Variants in CFAP20DC observed in about 807,000 individuals in gnomAD.
The protein encoded by CFAP20DC is CFAP20 domain containing, also known as protein CFAP20DC.
In CFAP20DC, 84 loss-of-function variants were observed where a neutral mutation model predicts 101.7. The observed-to-expected ratio is 0.83, with a 90% CI of 0.69 to 0.99. The LOEUF (loss-of-function observed/expected upper bound fraction) is 0.99. Among genes scored for constraint, CFAP20DC ranks in the 50% least tolerant of loss-of-function variants. The pLI, the probability that CFAP20DC is intolerant of heterozygous loss-of-function variation, is 0.00. For missense variants in CFAP20DC, 1,007 were observed against 970.3 expected, an observed-to-expected ratio of 1.04 and a Z score of -0.50; for synonymous variants, 359 against 351.2, an observed-to-expected ratio of 1.02 and a Z score of -0.25.
chr3:58,956,041 AC>A (rs1309129129), intron 4 of CFAP20DC, among the ~76,000 whole-genome samples: 1 of 151,258 alleles, frequency 6.6e-6, no homozygotes, highest in African/African-American at 2.4e-5. Context: ...CAGCAGTGAT[AC>A]CAACATACTA....
At chr3:58,957,463 A>C (rs140563647) in intron 4 of CFAP20DC, among the ~76,000 whole-genome samples, 59 of 152,324 alleles carry the variant, frequency 3.9e-4, no homozygotes, top group African/African-American at 1.3e-3. Context: ...AAAAACTAAA[A>C]ATAGAGCTCT....
At chr3:58,870,808 A>C (rs1261761293) in intron 7 of CFAP20DC, among the ~76,000 whole-genome samples, 1 of 144,672 alleles carries the variant, frequency 6.9e-6, no homozygotes, top group African/African-American at 2.6e-5. Flanking sequence ...GAATGGCGTG[A>C]ACCCGGGAAG....
intron 14 of CFAP20DC, among the ~76,000 whole-genome samples, chr3:58,808,019 G>A (rs1394733470): frequency 3.3e-5 from 5 of 152,188 alleles, no homozygotes; most frequent in African/African-American, 1.2e-4. Flanking sequence ...AGAGAAAAAA[G>A]AATAAAAAGA....
At chr3:59,026,851 C>T (rs1346955159) in intron 4 of CFAP20DC, among the ~76,000 whole-genome samples, 4 of 152,160 alleles carry the variant, frequency 2.6e-5, no homozygotes, top group Non-Finnish European at 2.9e-5. Context: ...ATAAGAGTAA[C>T]TTTCATTAAA....
rs1427063728 is a variant in CFAP20DC at position 58,864,051 on chromosome 3, AACC to A, written c.1259-162_1259-160del. Among the ~76,000 whole-genome samples the A allele has an allele frequency of 1.3e-5, 2 of 152,090 alleles. No homozygotes were observed. The highest frequency in any genetic ancestry group is 2.9e-5 in the Non-Finnish European group (2 of 68,008). On this transcript the variant is annotated intron_variant, in intron 11 of 16. Transcript: ENST00000482387. The surrounding 1 kb of genome is among the most constrained non-coding windows in gnomAD (Gnocchi z 4.7). ...CGGCTCACTGCAACCTCCGCCTCCCAACCTTCAAGTGATTCTCCTGCCTGAGCC... is the reference window on the plus strand; with the variant it reads ...CGGCTCACTGCAACCTCCGCCTCCCATTCAAGTGATTCTCCTGCCTGAGCC...
chr3:58,995,692 C>A (rs555961794), intron 4 of CFAP20DC, among the ~76,000 whole-genome samples: 1 of 152,164 alleles, frequency 6.6e-6, no homozygotes, highest in South Asian at 2.1e-4. Context: ...AATTGCCTCT[C>A]AAATGTGGTT....
chr3:59,034,000 T>C (rs2094046531), intron 4 of CFAP20DC, among the ~76,000 whole-genome samples: 1 of 152,142 alleles, frequency 6.6e-6, no homozygotes, highest in Non-Finnish European at 1.5e-5. Flanking sequence ...ACAATGGATC[T>C]CTCTGCAGAA....
chr3:58,853,008 A>G (rs1210351065), intron 12 of CFAP20DC, among the ~76,000 whole-genome samples: 2 of 152,158 alleles, frequency 1.3e-5, no homozygotes, highest in Non-Finnish European at 2.9e-5. Context: ...AGGAAATAGA[A>G]ACACAAAAAA....
At chr3:58,834,895 C>T (rs977661135) in intron 13 of CFAP20DC, among the ~76,000 whole-genome samples, 5 of 151,800 alleles carry the variant, frequency 3.3e-5, no homozygotes, top group East Asian at 1.9e-4. Flanking sequence ...ATGTAGAGTA[C>T]AAAACATACA....
At chr3:58,960,762 A>G (rs914778528) in intron 4 of CFAP20DC, among the ~76,000 whole-genome samples, 4 of 152,186 alleles carry the variant, frequency 2.6e-5, no homozygotes, top group Non-Finnish European at 4.4e-5. Context: ...GATGACTTAT[A>G]ATATTTATTT....
intron 13 of CFAP20DC, among the ~76,000 whole-genome samples, chr3:58,846,479 G>A (rs1231459591): frequency 6.6e-6 from 1 of 151,984 alleles, no homozygotes; most frequent in Non-Finnish European, 1.5e-5. Context: ...ACCTCTTCAG[G>A]GAGAACTACA....
chr3:59,020,972 T>C (rs1458717937), intron 4 of CFAP20DC, among the ~76,000 whole-genome samples: 3 of 152,098 alleles, frequency 2.0e-5, no homozygotes, highest in Admixed American at 2.0e-4. Context: ...TACAGCTTTA[T>C]ATTTGTGACC....
rs758560928 is a variant in CFAP20DC, at chr3:58,849,183, G to C, written c.1820C>G (p.Pro607Arg). 162 of 1,535,944 alleles carry C rather than the reference G, an allele frequency of 1.1e-4. 2 individuals are homozygous for C. The South Asian group carries it at 1.1e-3, about 11-fold the overall frequency. Residue 607 changes from proline (P) to arginine (R), a missense_variant, in exon 13 of 17, where the codon CCA becomes CGA. Physicochemically the swap from Pro to Arg is moderately radical, Grantham distance 103 (BLOSUM62 -2). Coordinates refer to ENST00000482387, the MANE Select transcript of CFAP20DC (RefSeq NM_001394063.1). ...MSLLPTTCLSPTGRRCGSCQK... is the reference protein window; with the variant it reads ...MSLLPTTCLSRTGRRCGSCQK... Reference sequence around the variant, plus strand: ...ACAGGACCCACACCTTCTTCCAGTTGGAGAAAGGCATGTTGTAGGCAACAA... The same window carrying C: ...ACAGGACCCACACCTTCTTCCAGTTCGAGAAAGGCATGTTGTAGGCAACAA...
rs2080590769 is a variant in CFAP20DC at position 58,874,729 on chromosome 3, T to C, written c.716-4420A>G. 1.3e-5 allele frequency among the ~76,000 whole-genome samples: 2 copies of C among 152,192 alleles called. No individual in the cohort carries two copies. The highest frequency in any genetic ancestry group is 1.3e-4 in the Admixed American group (2 of 15,284). On this transcript the variant is annotated intron_variant, in intron 7 of 16. Coordinates refer to ENST00000482387, the MANE Select transcript of CFAP20DC (RefSeq NM_001394063.1). This position sits in a 1 kb window ranked among gnomAD's most constrained non-coding sequence, Gnocchi z 5.1. ...TAGGGTAAGTTCCTCCAATATAGGC[T>C]CTTCCATAAATTTTCCCTCATAGAA...
chr3:58,927,140 T>C (rs984187906), intron 5 of CFAP20DC, among the ~76,000 whole-genome samples: 4 of 152,220 alleles, frequency 2.6e-5, no homozygotes, highest in Admixed American at 1.3e-4. Flanking sequence ...ATAACTTAAA[T>C]ATTAAAGTGA....
At chr3:58,918,960 G>T (rs1395392684) in intron 5 of CFAP20DC, among the ~76,000 whole-genome samples, 1 of 152,176 alleles carries the variant, frequency 6.6e-6, no homozygotes, top group East Asian at 1.9e-4. Context: ...AATCTTTCTG[G>T]CTTTCATACT....
At chr3:58,791,956 A>T (rs2072894549) in intron 15 of CFAP20DC, among the ~76,000 whole-genome samples, 1 of 152,166 alleles carries the variant, frequency 6.6e-6, no homozygotes, top group Admixed American at 6.5e-5. Flanking sequence ...AAACAAGGAA[A>T]CCTAGAAGTG....
chr3:58,827,170 T>C (rs1575789088), intron 14 of CFAP20DC, among the ~76,000 whole-genome samples: 2 of 152,080 alleles, frequency 1.3e-5, no homozygotes, highest in African/African-American at 2.4e-5. Flanking sequence ...TGGGGGACAC[T>C]GATAATAGGG....
chr3:58,979,561 A>G (rs930181747), intron 4 of CFAP20DC, among the ~76,000 whole-genome samples: 8 of 152,204 alleles, frequency 5.3e-5, no homozygotes, highest in African/African-American at 1.9e-4. Flanking sequence ...AATGAAATTC[A>G]GGCTCTGAAC....
Sources: allele counts gnomAD v4.1 joint callset (sites outside exome capture counted in the v4.1 genomes callset), GRCh38; gene constraint gnomAD v4.1.1; non-coding constraint Gnocchi (gnomAD v3.1); transcripts MANE v1.5; gene names NCBI Gene and HGNC (gene_info 2026-07-23, HGNC 2026-07-21).